Variants in KCNMA1 observed in about 807,000 individuals in gnomAD.
KCNMA1 encodes potassium calcium-activated channel subfamily M alpha 1.
In KCNMA1, 29 loss-of-function variants were observed where a neutral mutation model predicts 140.0. That is an observed-to-expected ratio of 0.21 (90% CI 0.15 to 0.28). The LOEUF is 0.28. Ranked by LOEUF, KCNMA1 falls within the 10% of genes least tolerant of loss-of-function variation. The pLI, the probability that KCNMA1 is intolerant of heterozygous loss-of-function variation, is 1.00. For missense variants in KCNMA1, 880 were observed against 1,602.2 expected (o/e 0.55, Z 7.70); for synonymous variants, 612 against 611.9 (o/e 1.00, Z 0.00).
At chr10:77,519,236 A>C (rs1389939208) in intron 1 of KCNMA1, among the ~76,000 whole-genome samples, 1 of 152,244 alleles carries the variant, frequency 6.6e-6, no homozygotes, top group Non-Finnish European at 1.5e-5. Context: ...GGATTAAGGC[A>C]ACCTTCTCCA....
At chr10:77,478,626 T>A (rs1166650419) in intron 1 of KCNMA1, among the ~76,000 whole-genome samples, 1 of 152,158 alleles carries the variant, frequency 6.6e-6, no homozygotes, top group Non-Finnish European at 1.5e-5. Context: ...AAAAAGAGTA[T>A]CACAAAACTC....
chr10:76,874,202 T>C (rs1445944198), downstream of KCNMA1: 1 of 152,144 alleles, frequency 6.6e-6, no homozygotes, highest in African/African-American at 2.4e-5. Context: ...GAATCTAAAG[T>C]GAAAAGACCA....
intron 2 of KCNMA1, among the ~76,000 whole-genome samples, chr10:77,324,957 CTCTCTCTCTCTCTCTGTGTGTGTGTGTG>C (rs1167949271): frequency 4.5e-5 from 5 of 111,780 alleles, no homozygotes; most frequent in African/African-American, 1.7e-4. Flanking sequence ...CTCTCTCTCT[CTCTCTCTCTCTCTCTGTGTGTGTGTGTG>C]TGTGTGTGTG....
chr10:77,611,821 G>A (rs1229859705), intron 1 of KCNMA1, among the ~76,000 whole-genome samples: 1 of 152,128 alleles, frequency 6.6e-6, no homozygotes, highest in Non-Finnish European at 1.5e-5. Flanking sequence ...CATTCATGGG[G>A]CGAGGTACTG....
intron 19 of KCNMA1, chr10:76,974,325 C>A (rs1293837286): frequency 1.1e-4 from 56 of 497,578 alleles, no homozygotes; most frequent in East Asian, 1.7e-4. Flanking sequence ...TCGTTTTTTA[C>A]GGTTTTCCCT....
intron 2 of KCNMA1, chr10:77,314,259 G>T (rs1354904639): frequency 6.6e-6 from 1 of 152,082 alleles, no homozygotes; most frequent in Non-Finnish European, 1.5e-5. Context: ...GCCACATCAG[G>T]GACAAATAAT....
intron 3 of KCNMA1, among the ~76,000 whole-genome samples, chr10:77,200,012 G>A (rs1198573531): frequency 2.6e-5 from 4 of 152,108 alleles, no homozygotes; most frequent in Non-Finnish European, 5.9e-5. Flanking sequence ...GTGCAGTGGT[G>A]CGATCTTGGC....
chr10:77,164,663 A>T (rs183429681), intron 5 of KCNMA1, among the ~76,000 whole-genome samples: 1 of 152,246 alleles, frequency 6.6e-6, no homozygotes, highest in Admixed American at 6.5e-5. Flanking sequence ...TGGCAAAAGC[A>T]CATTTGCACC....
chr10:77,141,281 G>C (rs926176294), intron 5 of KCNMA1, among the ~76,000 whole-genome samples: 1 of 151,928 alleles, frequency 6.6e-6, no homozygotes, highest in African/African-American at 2.4e-5. Context: ...CCCCCTCTTA[G>C]TTCTCTGTTA....
chr10:77,120,596 T>C (rs2097573067), intron 6 of KCNMA1, among the ~76,000 whole-genome samples: 1 of 152,232 alleles, frequency 6.6e-6, no homozygotes. Context: ...AGGGGCGATT[T>C]AGAATCTGGC....
intron 2 of KCNMA1, among the ~76,000 whole-genome samples, chr10:77,302,584 G>T (rs938503251): frequency 6.6e-6 from 1 of 152,172 alleles, no homozygotes; most frequent in Non-Finnish European, 1.5e-5. Context: ...AGGTTATGCT[G>T]CCAGCCAGTG....
chr10:77,132,700 C>T (rs1051168182), intron 5 of KCNMA1, among the ~76,000 whole-genome samples: 18 of 151,972 alleles, frequency 1.2e-4, no homozygotes, highest in African/African-American at 4.1e-4. Flanking sequence ...GAAATAAATC[C>T]CTTCAAAGCA....
At chr10:76,895,500 A>G (rs1344041694) in intron 25 of KCNMA1, among the ~76,000 whole-genome samples, 1 of 152,236 alleles carries the variant, frequency 6.6e-6, no homozygotes, top group Non-Finnish European at 1.5e-5. Context: ...TGTTTATAGC[A>G]GCATTATTGG....
At chr10:77,616,230 G>T (rs1242481036) in intron 1 of KCNMA1, among the ~76,000 whole-genome samples, 3 of 152,210 alleles carry the variant, frequency 2.0e-5, no homozygotes, top group East Asian at 3.9e-4. Context: ...ATTCCAGCAG[G>T]GGGTGGACAT....
chr10:77,403,197 G>C (rs2096336796), intron 2 of KCNMA1, among the ~76,000 whole-genome samples: 1 of 152,140 alleles, frequency 6.6e-6, no homozygotes, highest in Non-Finnish European at 1.5e-5. Flanking sequence ...GCAGATCAGA[G>C]AGATGTTGGA....
At chr10:77,114,660 C>T (rs539842378) in intron 6 of KCNMA1, among the ~76,000 whole-genome samples, 275 of 152,334 alleles carry the variant, frequency 1.8e-3, no homozygotes, top group Non-Finnish European at 2.8e-3. Context: ...CTACTGCTTC[C>T]TTAAAGTCGT....
chr10:77,519,245 C>T (rs565800254), intron 1 of KCNMA1, among the ~76,000 whole-genome samples: 1 of 152,360 alleles, frequency 6.6e-6, no homozygotes, highest in South Asian at 2.1e-4. Flanking sequence ...CAACCTTCTC[C>T]ATCACCCCCG....
intron 1 of KCNMA1, among the ~76,000 whole-genome samples, chr10:77,560,012 C>G (rs891935325): frequency 2.8e-4 from 41 of 147,510 alleles, no homozygotes; most frequent in Middle Eastern, 3.2e-3. Context: ...CCTGTCTCTA[C>G]TAAAAATACA....
intron 18 of KCNMA1, among the ~76,000 whole-genome samples, chr10:77,008,690 GGT>G (rs1212215930): frequency 7.9e-5 from 12 of 152,182 alleles, no homozygotes; most frequent in African/African-American, 2.9e-4. Flanking sequence ...GGAAGCTATG[GGT>G]AAGGGCCAGT....
Sources: allele counts gnomAD v4.1 joint callset (sites outside exome capture counted in the v4.1 genomes callset), GRCh38; gene constraint gnomAD v4.1.1; transcripts MANE v1.5; gene names NCBI Gene and HGNC (gene_info 2026-07-23, HGNC 2026-07-21).